Variants in TSPEAR observed in about 807,000 individuals in gnomAD.
TSPEAR encodes the protein thrombospondin-type laminin G domain and EAR repeat-containing protein.
A neutral mutation model predicts 71.6 loss-of-function variants in TSPEAR; 69 were observed. The ratio of observed to expected loss-of-function variants is 0.96; its 90% CI spans 0.79 to 1.18. The LOEUF (loss-of-function observed/expected upper bound fraction) is 1.18. Ranked by LOEUF, TSPEAR falls within the 50% of genes most tolerant of loss-of-function variation. The probability of loss-of-function intolerance (pLI) is 0.00; values close to 1 mark genes in which losing one functional copy is unlikely to be tolerated. For missense variants in TSPEAR, 971 were observed against 894.9 expected (o/e 1.09, Z -1.09); for synonymous variants, 402 against 387.2 (o/e 1.04, Z -0.45).
chr21:44,600,367 G>A (rs1186830601), intron 1 of TSPEAR, among the ~76,000 whole-genome samples: 1 of 151,862 alleles, frequency 6.6e-6, no homozygotes, highest in Non-Finnish European at 1.5e-5. Flanking sequence ...GTGCGTCAAC[G>A]GAACCAAATA....
intron 11 of TSPEAR, among the ~76,000 whole-genome samples, chr21:44,504,031 A>C (rs2052122714): frequency 6.8e-6 from 1 of 147,214 alleles, no homozygotes; most frequent in Non-Finnish European, 1.5e-5. Flanking sequence ...CTCAGCAGGA[A>C]GCAAGGCTCT....
chr21:44,694,013 C>T (rs1987224003), intron 1 of TSPEAR, among the ~76,000 whole-genome samples: 1 of 152,254 alleles, frequency 6.6e-6, no homozygotes, highest in South Asian at 2.1e-4. Flanking sequence ...GTAATCAAAA[C>T]AGTGTGGTAC....
intron 11 of TSPEAR, among the ~76,000 whole-genome samples, chr21:44,502,677 C>G (rs1243842685): frequency 1.3e-5 from 2 of 152,256 alleles, no homozygotes; most frequent in African/African-American, 4.8e-5. Context: ...CGGGGCAGGG[C>G]CCCAGCTCAG....
intron 2 of TSPEAR, chr21:44,550,658 C>T (rs1555918450): frequency 1.2e-6 from 2 of 1,606,804 alleles, no homozygotes; most frequent in Non-Finnish European, 1.7e-6. Flanking sequence ...GGAGGTGGGG[C>T]CTGAGCCCGG....
intron 1 of TSPEAR, among the ~76,000 whole-genome samples, chr21:44,708,250 G>A (rs575817054): frequency 6.6e-6 from 1 of 152,206 alleles, no homozygotes; most frequent in South Asian, 2.1e-4. Flanking sequence ...CTGGACAGAG[G>A]ACTGGGCTGC....
rs1203587603 is a variant in TSPEAR at position 44,502,006 on chromosome 21, A to T, written c.1857-2070T>A. 2.0e-5 allele frequency among the ~76,000 whole-genome samples: 3 copies of T among 152,254 alleles called. No homozygotes were observed. In the East Asian group the frequency reaches 5.8e-4, roughly 29 times the overall value. Reference sequence around the variant, plus strand: ...CGAGCAATCTAATTTCCTATTATAGATGCTAAAAGCTTAAAGACAGGCAAT... The same window carrying T: ...CGAGCAATCTAATTTCCTATTATAGTTGCTAAAAGCTTAAAGACAGGCAAT... On this transcript the variant is annotated intron_variant, in intron 11 of 11. Coordinates refer to ENST00000323084, the MANE Select transcript of TSPEAR (RefSeq NM_144991.3).
At chr21:44,644,783 A>T (rs1160772665) in intron 1 of TSPEAR, among the ~76,000 whole-genome samples, 2 of 152,214 alleles carry the variant, frequency 1.3e-5, no homozygotes, top group African/African-American at 4.8e-5. Flanking sequence ...TGAAATTATT[A>T]TTAAAAATGG....
intron 8 of TSPEAR, among the ~76,000 whole-genome samples, chr21:44,523,586 CAGTT>C (rs2052782278): frequency 6.6e-6 from 1 of 151,640 alleles, no homozygotes; most frequent in Admixed American, 6.6e-5. Context: ...GTCAGTCAGT[CAGTT>C]CAGTAGTTAG....
chr21:44,702,054 G>C (rs1987673511), intron 1 of TSPEAR, among the ~76,000 whole-genome samples: 1 of 152,218 alleles, frequency 6.6e-6, no homozygotes, highest in Admixed American at 6.5e-5. Flanking sequence ...CTTAGCCAGA[G>C]AGACCCTAAG....
intron 1 of TSPEAR, chr21:44,646,997 C>A: frequency 1.2e-6 from 2 of 1,613,730 alleles, no homozygotes; most frequent in Non-Finnish European, 1.7e-6. Flanking sequence ...GCTTGCTGCA[C>A]CTCCTCCTCC....
intron 2 of TSPEAR, 140 bp from the exon 3 acceptor site, chr21:44,534,063 G>C: frequency 3.1e-6 from 2 of 646,570 alleles, no homozygotes. Flanking sequence ...GTGAGGGGGC[G>C]CGGTGGATGG....
At chr21:44,618,288 G>A (rs782752139) in intron 1 of TSPEAR, among the ~76,000 whole-genome samples, 5 of 152,186 alleles carry the variant, frequency 3.3e-5, no homozygotes, top group Non-Finnish European at 7.3e-5. Context: ...TGTGAAGAAG[G>A]TCCTTGCTTC....
At chr21:44,598,882 C>T (rs587725345) in intron 1 of TSPEAR, among the ~76,000 whole-genome samples, 1 of 152,126 alleles carries the variant, frequency 6.6e-6, no homozygotes, top group Non-Finnish European at 1.5e-5. Flanking sequence ...CAGTTGTTAT[C>T]CAGAATTGTT....
chr21:44,601,269 G>A (rs201847955), intron 1 of TSPEAR: 39 of 1,601,458 alleles, frequency 2.4e-5, no homozygotes, highest in African/African-American at 1.6e-4. Flanking sequence ...GCTGCAAGCC[G>A]GCTTGCTGCA....
In TSPEAR at chr21:44,628,058, G is replaced by A. The variant is rs782234147; in HGVS notation, c.83-60053C>T. The A allele has an allele frequency of 1.2e-5, 20 of 1,606,928 alleles. 1 individual carries two copies. The East Asian group carries it at 3.3e-4, about 27-fold the overall frequency. On this transcript the variant is annotated intron_variant, in intron 1 of 11. Coordinates refer to ENST00000323084, the MANE Select transcript of TSPEAR (RefSeq NM_144991.3). ...CAGAAGTCCAGCTGCTGACGGTCAT[G>A]TCCCCCAGGGCCAGCCGGGCTCAGG...
At chr21:44,671,313 C>T (rs587670424) in intron 1 of TSPEAR, among the ~76,000 whole-genome samples, 36 of 152,350 alleles carry the variant, frequency 2.4e-4, no homozygotes, top group Admixed American at 5.9e-4. Flanking sequence ...CACTGCCCAG[C>T]GGCCCAAGGA....
At chr21:44,628,118 C>T in intron 1 of TSPEAR, 15 of 1,552,416 alleles carry the variant, frequency 9.7e-6, no homozygotes, top group Non-Finnish European at 1.3e-5. Flanking sequence ...ACCTCCCAGC[C>T]CACCCAGCCT....
intron 1 of TSPEAR, chr21:44,627,263 G>A (rs1555934573): frequency 2.5e-6 from 4 of 1,612,556 alleles, no homozygotes; most frequent in African/African-American, 1.3e-5. Flanking sequence ...GAGCCCCCCT[G>A]CTGCGCCACC....
At chr21:44,602,682 C>T (rs768558483) in intron 1 of TSPEAR, among the ~76,000 whole-genome samples, 9 of 152,252 alleles carry the variant, frequency 5.9e-5, no homozygotes, top group Non-Finnish European at 1.0e-4. Context: ...AAGCTGCTCA[C>T]GTGACCAGTC....
Sources: allele counts gnomAD v4.1 joint callset (sites outside exome capture counted in the v4.1 genomes callset), GRCh38; gene constraint gnomAD v4.1.1; transcripts MANE v1.5; gene names NCBI Gene and HGNC (gene_info 2026-07-23, HGNC 2026-07-21).